The following KCNN2 variants were observed in gnomAD, a reference collection of about 807,000 sequenced individuals.
KCNN2 encodes the protein potassium calcium-activated channel subfamily N member 2.
Under a neutral mutation model 55.5 loss-of-function variants are expected in KCNN2, and 24 were observed. The ratio of observed to expected loss-of-function variants is 0.43; its 90% CI spans 0.31 to 0.61. The LOEUF (loss-of-function observed/expected upper bound fraction) is 0.61. Ranked by LOEUF, KCNN2 falls within the 20% of genes least tolerant of loss-of-function variation. The pLI, the probability that KCNN2 is intolerant of heterozygous loss-of-function variation, is 0.08. For missense variants in KCNN2, 754 were observed against 853.6 expected (o/e 0.88, Z 1.45); for synonymous variants, 431 against 336.1 (o/e 1.28, Z -3.09).
chr5:114,145,482 C>T (rs1044192073), intron 1 of KCNN2, among the ~76,000 whole-genome samples: 4 of 152,094 alleles, frequency 2.6e-5, no homozygotes, highest in African/African-American at 9.7e-5. Context: ...GCCCTGATAC[C>T]AAGTGTCCTA....
Position 114,423,100 on chromosome 5 carries a change from T to C in KCNN2, c.1637+18244T>C, listed in dbSNP as rs74330630. ...AAAACAAGGGATATTTTCCCAAATT[T>C]TCATGGAGTACTATACCACTGATTC... On this transcript the variant is annotated intron_variant, in intron 3 of 7. Coordinates refer to ENST00000673685, the MANE Select transcript of KCNN2 (RefSeq NM_021614.4). Among the ~76,000 whole-genome samples the C allele has an allele frequency of 7.6e-3, 1,152 of 152,302 alleles. 28 individuals are homozygous for C. Among genetic ancestry groups the C allele is most frequent in the East Asian group, 0.075 (388 of 5,182 alleles).
intron 2 of KCNN2, among the ~76,000 whole-genome samples, chr5:114,297,253 G>T (rs1018739369): frequency 6.6e-6 from 1 of 152,130 alleles, no homozygotes; most frequent in Non-Finnish European, 1.5e-5. Flanking sequence ...AGGAGTTGGA[G>T]GTTACAGTGA....
intron 1 of KCNN2, among the ~76,000 whole-genome samples, chr5:114,185,384 C>T (rs1455176644): frequency 2.0e-5 from 3 of 152,192 alleles, no homozygotes; most frequent in African/African-American, 7.2e-5. Flanking sequence ...ATGAGACAGC[C>T]AGATGGGAGG....
At chr5:114,145,805 C>T (rs961146750) in intron 1 of KCNN2, among the ~76,000 whole-genome samples, 1 of 152,090 alleles carries the variant, frequency 6.6e-6, no homozygotes, top group East Asian at 1.9e-4. Flanking sequence ...GTAGAAGGAT[C>T]AGTGTCATCA....
chr5:114,165,664 G>A (rs1464112286), intron 1 of KCNN2, among the ~76,000 whole-genome samples: 1 of 152,024 alleles, frequency 6.6e-6, no homozygotes, highest in Non-Finnish European at 1.5e-5. Context: ...GCAATTCCGG[G>A]TTTGCAATTT....
At chr5:114,176,231 G>A (rs1009675185) in intron 1 of KCNN2, among the ~76,000 whole-genome samples, 1 of 152,134 alleles carries the variant, frequency 6.6e-6, no homozygotes, top group African/African-American at 2.4e-5. Flanking sequence ...AACCAAAAAT[G>A]TCTTCAAACT....
chr5:114,369,298 G>A (rs1757694404), intron 2 of KCNN2, among the ~76,000 whole-genome samples: 1 of 152,170 alleles, frequency 6.6e-6, no homozygotes, highest in South Asian at 2.1e-4. Flanking sequence ...AAGGCCTCAG[G>A]CTTCTTTGCA....
chr5:114,450,299 G>T (rs1341540269), intron 3 of KCNN2, among the ~76,000 whole-genome samples: 2 of 152,154 alleles, frequency 1.3e-5, no homozygotes, highest in Non-Finnish European at 2.9e-5. Context: ...GGAATCTTTG[G>T]GCCTGGTCGA....
At chr5:114,285,406 T>C in intron 2 of KCNN2, among the ~76,000 whole-genome samples, 1 of 151,536 alleles carries the variant, frequency 6.6e-6, no homozygotes, top group Admixed American at 6.6e-5. Flanking sequence ...TGAGGGTGTG[T>C]GCAAGTGGTT....
chr5:114,264,366 C>T (rs894835911), intron 2 of KCNN2, among the ~76,000 whole-genome samples: 36 of 152,180 alleles, frequency 2.4e-4, no homozygotes, highest in African/African-American at 7.0e-4. Flanking sequence ...TCTGCTTGTA[C>T]AAGTGGAAAA....
intron 1 of KCNN2, among the ~76,000 whole-genome samples, chr5:114,058,836 A>G (rs1750264900): frequency 6.6e-6 from 1 of 152,154 alleles, no homozygotes. Flanking sequence ...AGACTGGACT[A>G]TCGGAGGGGC....
chr5:114,272,358 CAT>C (rs1367937437), intron 2 of KCNN2, among the ~76,000 whole-genome samples: 2 of 27,736 alleles, frequency 7.2e-5, no homozygotes, highest in African/African-American at 1.4e-4. Flanking sequence ...ATGTACATAC[CAT>C]ATACACACAC....
Position 114,063,763 on chromosome 5 carries a change from A to G in KCNN2, c.-271+7263A>G, listed in dbSNP as rs145656208. 3.9e-5 allele frequency among the ~76,000 whole-genome samples: 6 copies of G among 152,324 alleles called. No individual in the cohort carries two copies. The East Asian group carries it at 9.6e-4, about 24-fold the overall frequency. On this transcript the variant is annotated intron_variant, in intron 1 of 10. Transcript: ENST00000512097. The stretch of plus-strand genomic sequence containing the variant: ...AGCACTGAAAGTCTTGTGTCCTAGG[A>G]AACCACTCAGTCCCAGACAAACTGG...
At chr5:114,426,632 C>G (rs1759634110) in intron 3 of KCNN2, among the ~76,000 whole-genome samples, 1 of 151,946 alleles carries the variant, frequency 6.6e-6, no homozygotes, top group African/African-American at 2.4e-5. Context: ...AAAATTTATG[C>G]TGAATATGAA....
rs559377123 is a variant in KCNN2 at position 114,322,922 on chromosome 5, T to C, written c.-184-38023T>C. On this transcript the variant is annotated intron_variant, in intron 2 of 10. Coordinates refer to the KCNN2 transcript ENST00000512097. Reference sequence around the variant, plus strand: ...TTCATCACCCAGGTATTAAGCCCAATACCCAATAGTTATCTTTTCTGCTCC... The same window carrying C: ...TTCATCACCCAGGTATTAAGCCCAACACCCAATAGTTATCTTTTCTGCTCC... 9.2e-5 allele frequency among the ~76,000 whole-genome samples: 14 copies of C among 152,320 alleles called. 1 individual carries two copies. In the South Asian group the frequency reaches 2.7e-3, roughly 29 times the overall value.
chr5:114,470,966 A>G (rs1224714745), intron 4 of KCNN2, among the ~76,000 whole-genome samples: 1 of 152,194 alleles, frequency 6.6e-6, no homozygotes, highest in Non-Finnish European at 1.5e-5. Flanking sequence ...TTCTATAGTC[A>G]AGGTTAAAAA....
At chr5:114,105,576 A>G (rs1442889769) in intron 1 of KCNN2, among the ~76,000 whole-genome samples, 1 of 152,122 alleles carries the variant, frequency 6.6e-6, no homozygotes, top group East Asian at 1.9e-4. Flanking sequence ...ATGTGTATAC[A>G]ATACTGCATT....
At chr5:114,121,897 A>C (rs889108880) in intron 1 of KCNN2, among the ~76,000 whole-genome samples, 21 of 152,224 alleles carry the variant, frequency 1.4e-4, no homozygotes, top group African/African-American at 4.8e-4. Flanking sequence ...TCACACTTTA[A>C]TAATGCCAGG....
At chr5:114,289,114 T>A (rs951903869) in intron 2 of KCNN2, among the ~76,000 whole-genome samples, 4 of 152,246 alleles carry the variant, frequency 2.6e-5, no homozygotes, top group South Asian at 4.1e-4. Flanking sequence ...TTTTCCCCCA[T>A]CAAATGGTCT....
Sources: gnomAD v4.1 joint callset for allele counts (sites outside exome capture counted in the v4.1 genomes callset) on GRCh38, gnomAD v4.1.1 for gene constraint, MANE v1.5 for transcripts, NCBI Gene and HGNC (gene_info 2026-07-23, HGNC 2026-07-21) for gene names.